The following GRAMD1B variants were observed in gnomAD, a reference collection of about 807,000 sequenced individuals.
The protein encoded by GRAMD1B is GRAM domain containing 1B.
Under a neutral mutation model 99.7 loss-of-function variants are expected in GRAMD1B, and 37 were observed. That is an observed-to-expected ratio of 0.37 (90% CI 0.29 to 0.49). GRAMD1B has a LOEUF of 0.49. Ranked by LOEUF, GRAMD1B falls within the 20% of genes least tolerant of loss-of-function variation. The probability of loss-of-function intolerance (pLI) is 0.98; values close to 1 mark genes in which losing one functional copy is unlikely to be tolerated. For missense variants in GRAMD1B, 888 were observed against 1,009.2 expected, an observed-to-expected ratio of 0.88 and a Z score of 1.63; for synonymous variants, 427 against 387.6, an observed-to-expected ratio of 1.10 and a Z score of -1.19.
At chr11:123,609,940 G>C (rs1953313499) in intron 13 of GRAMD1B, 27 bp downstream of exon 13, 1 of 1,257,970 alleles carries the variant, frequency 7.9e-7, no homozygotes, top group South Asian at 1.3e-5. Flanking sequence ...ATGCACAGAA[G>C]AGCGAGCTGG....
At chr11:123,450,729 T>C (rs1424977351) in intron 1 of GRAMD1B, among the ~76,000 whole-genome samples, 1 of 152,174 alleles carries the variant, frequency 6.6e-6, no homozygotes, top group Non-Finnish European at 1.5e-5. Context: ...CTTCATTGGA[T>C]TTGTGTGGGC....
In GRAMD1B at chr11:123,583,760, C is replaced by G. The variant is rs531564981; in HGVS notation, c.664-552C>G. Among the ~76,000 whole-genome samples the G allele has an allele frequency of 6.4e-4, 97 of 152,248 alleles. No homozygotes were observed. The Middle Eastern group carries it at 0.014, about 21-fold the overall frequency. Reference sequence around the variant, plus strand: ...TCAACCTCCTGCCCCACGCAGAACCCCCAGGCACTCCCCGACCATTGCAGT... The same window carrying G: ...TCAACCTCCTGCCCCACGCAGAACCGCCAGGCACTCCCCGACCATTGCAGT... On this transcript the variant is annotated intron_variant, in intron 3 of 19. Coordinates refer to ENST00000635736, the MANE Select transcript of GRAMD1B (RefSeq NM_001387025.1).
chr11:123,487,163 A>G (rs914366986), intron 2 of GRAMD1B, among the ~76,000 whole-genome samples: 1 of 152,192 alleles, frequency 6.6e-6, no homozygotes, highest in Admixed American at 6.5e-5. Context: ...ATTCCTCTCA[A>G]CAGCCTTATC....
intron 3 of GRAMD1B, 150 bp downstream of exon 3, chr11:123,577,727 G>A (rs1948883140): frequency 4.6e-6 from 3 of 645,258 alleles, no homozygotes; most frequent in Admixed American, 2.5e-5. Context: ...GAGGTGAGGC[G>A]GGGCAGGCAG....
At chr11:123,511,372 C>G (rs918711533) in intron 2 of GRAMD1B, among the ~76,000 whole-genome samples, 1 of 152,138 alleles carries the variant, frequency 6.6e-6, no homozygotes, top group Non-Finnish European at 1.5e-5. Context: ...CCGGGCACCT[C>G]CAGGGAATGG....
At chr11:123,452,506 C>T (rs992031648) in intron 1 of GRAMD1B, among the ~76,000 whole-genome samples, 5 of 152,002 alleles carry the variant, frequency 3.3e-5, no homozygotes, top group African/African-American at 9.7e-5. Context: ...ATTAGCCAGG[C>T]GTGGTGATGG....
At chr11:123,598,284 T>C (rs1390171719) in intron 7 of GRAMD1B, 1 of 1,341,428 alleles carries the variant, frequency 7.5e-7, no homozygotes, top group East Asian at 2.3e-5. Context: ...AGGGAATGGG[T>C]TTGCCAAGTG....
chr11:123,577,695 T>C (rs1281690037), intron 3 of GRAMD1B, 118 bp downstream of exon 3: 1 of 722,826 alleles, frequency 1.4e-6, no homozygotes, highest in African/African-American at 1.7e-5. Context: ...CCCTGATGGC[T>C]CAGAGACAGT....
At chr11:123,509,656 T>G (rs1325186472) in intron 2 of GRAMD1B, among the ~76,000 whole-genome samples, 1 of 152,254 alleles carries the variant, frequency 6.6e-6, no homozygotes, top group Non-Finnish European at 1.5e-5. Context: ...GTCTTGGGAA[T>G]GTGAGCAGCC....
At chr11:123,606,199 C>T (rs1464065744) in intron 10 of GRAMD1B, among the ~76,000 whole-genome samples, 1 of 152,234 alleles carries the variant, frequency 6.6e-6, no homozygotes, top group Non-Finnish European at 1.5e-5. Flanking sequence ...AGAGTTGTAT[C>T]GATTCCCTTC....
intron 1 of GRAMD1B, chr11:123,458,693 T>G (rs1591590032): frequency 3.8e-5 from 1 of 26,046 alleles, no homozygotes; most frequent in East Asian, 0.011. Flanking sequence ...GCTGTTTTGT[T>G]TTTTTTTTTT....
intron 1 of GRAMD1B, among the ~76,000 whole-genome samples, chr11:123,444,546 T>C (rs2134296520): frequency 6.6e-6 from 1 of 152,202 alleles, no homozygotes; most frequent in South Asian, 2.1e-4. Flanking sequence ...GAGAGTATAA[T>C]GAGGCATGTT....
At chr11:123,495,504 G>A (rs971591964) in intron 2 of GRAMD1B, among the ~76,000 whole-genome samples, 6 of 152,030 alleles carry the variant, frequency 3.9e-5, no homozygotes, top group South Asian at 4.1e-4. Flanking sequence ...ATACTAGGTC[G>A]CATTTTTTCT....
chr11:123,603,121 A>G (rs549426964), intron 8 of GRAMD1B, among the ~76,000 whole-genome samples: 1 of 152,196 alleles, frequency 6.6e-6, no homozygotes. Flanking sequence ...CCTTTTCCAT[A>G]AGAGCAAAAG....
chr11:123,603,358 C>T (rs946671360), intron 8 of GRAMD1B, 68 bp from the exon 9 acceptor site: 4 of 947,794 alleles, frequency 4.2e-6, no homozygotes, highest in Non-Finnish European at 6.8e-6. Flanking sequence ...CAGCCCGGCT[C>T]AGTGCCTCTG....
intron 2 of GRAMD1B, among the ~76,000 whole-genome samples, chr11:123,502,098 C>G (rs1026367797): frequency 2.6e-5 from 4 of 152,206 alleles, no homozygotes; most frequent in African/African-American, 9.6e-5. Context: ...GCTGCTGCTG[C>G]TTACTGGACT....
Position 123,594,872 on chromosome 11 carries a change from C to T in GRAMD1B, c.873+34C>T, listed in dbSNP as rs546214759. ...CTGGGCATGCTCCCTTGGGCTGTCTCCTTGGCTATGGCTGAGCAAGCTGCC... is the reference window on the plus strand; with the variant it reads ...CTGGGCATGCTCCCTTGGGCTGTCTTCTTGGCTATGGCTGAGCAAGCTGCC... On this transcript the variant is annotated intron_variant, in intron 6 of 19. Coordinates refer to ENST00000635736, the MANE Select transcript of GRAMD1B (RefSeq NM_001387025.1). 448 of 1,115,234 alleles carry T rather than the reference C, an allele frequency of 4.0e-4. 1 individual carries two copies. Among genetic ancestry groups the T allele is most frequent in the Non-Finnish European group, 4.3e-5 (31 of 724,166 alleles). 69.1% of individuals were successfully genotyped at this position (1,115,234 alleles called of 1,614,324 possible).
chr11:123,600,440 T>C (rs2136704589), intron 7 of GRAMD1B, 28 bp from the exon 8 acceptor site: 1 of 1,412,726 alleles, frequency 7.1e-7, no homozygotes, highest in Non-Finnish European at 1.0e-6. Context: ...TCAACAGATA[T>C]TTATTGTTAT....
intron 3 of GRAMD1B, 30 bp from the exon 4 acceptor site, chr11:123,584,282 T>G (rs1316156883): frequency 2.9e-6 from 3 of 1,030,434 alleles, no homozygotes; most frequent in Middle Eastern, 2.3e-4. Flanking sequence ...CCTGACTAAT[T>G]CTACCTTCTC....
Sources: gnomAD v4.1 joint callset for allele counts (sites outside exome capture counted in the v4.1 genomes callset) on GRCh38, gnomAD v4.1.1 for gene constraint, MANE v1.5 for transcripts, NCBI Gene and HGNC (gene_info 2026-07-23, HGNC 2026-07-21) for gene names.